ACSL4: variants seen among roughly 807,000 people sequenced by gnomAD.
ACSL4 encodes the protein long-chain-fatty-acid--CoA ligase 4.
ACSL4 carries 9 observed loss-of-function variants against 49.1 expected under a neutral mutation model. The ratio of observed to expected loss-of-function variants is 0.18; its 90% CI spans 0.11 to 0.32. The LOEUF is 0.32. Ranked by LOEUF, ACSL4 falls within the 10% of genes least tolerant of loss-of-function variation. ACSL4 has a pLI of 1.00. For missense variants in ACSL4, 333 were observed against 493.7 expected (o/e 0.67, Z 3.08); for synonymous variants, 191 against 170.3 (o/e 1.12, Z -0.95).
intron 15 of ACSL4, among the ~76,000 whole-genome samples, chrX:109,653,378 T>C (rs1192500438): frequency 8.9e-6 from 1 of 111,781 alleles, no homozygotes; most frequent in East Asian, 2.8e-4. Flanking sequence ...AGTTCAACCA[T>C]TGTGGAAGTC....
intron 15 of ACSL4, among the ~76,000 whole-genome samples, chrX:109,648,021 G>C (rs1386521083): frequency 2.7e-5 from 3 of 111,523 alleles, no homozygotes; most frequent in African/African-American, 9.8e-5. Flanking sequence ...CTGAAATTGA[G>C]GCAGTAATTA....
At chrX:109,655,947 C>T (rs1032635824) in intron 15 of ACSL4, among the ~76,000 whole-genome samples, 22 of 111,023 alleles carry the variant, frequency 2.0e-4, no homozygotes, top group East Asian at 1.1e-3. Flanking sequence ...TATTCAGACA[C>T]GCAAGCACAG....
intron 1 of ACSL4, among the ~76,000 whole-genome samples, chrX:109,711,816 T>C (rs1926767553): frequency 9.0e-6 from 1 of 111,460 alleles, no homozygotes; most frequent in Non-Finnish European, 1.9e-5. Context: ...AAGTTCCTGT[T>C]CCCCTGCTAG....
intron 1 of ACSL4, among the ~76,000 whole-genome samples, chrX:109,701,107 T>C (rs1477160268): frequency 1.8e-5 from 2 of 112,284 alleles, no homozygotes; most frequent in Non-Finnish European, 3.8e-5. Flanking sequence ...ACAAAATATA[T>C]TAAATGAAGT....
At chrX:109,654,974 A>G (rs1430804762) in intron 15 of ACSL4, among the ~76,000 whole-genome samples, 1 of 111,808 alleles carries the variant, frequency 8.9e-6, no homozygotes, top group Non-Finnish European at 1.9e-5. Context: ...ATCCCCCTCA[A>G]TAACTCCTTT....
chrX:109,643,680 T>G lies in ACSL4; in HGVS notation c.*349A>C, dbSNP rs1327939521. On this transcript the variant is annotated 3_prime_UTR_variant, in exon 16 of 16. Coordinates refer to ENST00000672401, the MANE Select transcript of ACSL4 (RefSeq NM_001318510.2). ...ACAAGAGGCATTGGAAGCTGCAAAT[T>G]TCCTCAAACTACATTCTACTCCAAC... The G allele has an allele frequency of 2.4e-5, 4 of 168,293 alleles. No individual in the cohort carries two copies. The highest frequency in any genetic ancestry group is 2.3e-5 in the Non-Finnish European group (2 of 87,714). 13.9% of individuals were successfully genotyped at this position (168,293 alleles called of 1,213,427 possible). A position where few individuals can be genotyped will look rare whatever the true frequency, so the allele number is the denominator to read the frequency against.
rs759919018 is a variant in ACSL4, at chrX:109,683,199, A to C, written c.165T>G (p.Leu55=). 8.3e-7 allele frequency: 1 copy of C among 1,211,980 alleles called. No individual in the cohort carries two copies. The highest frequency in any genetic ancestry group is 1.1e-6 in the Non-Finnish European group (1 of 895,476). ...CTTCACTTAGGATTTCCCTGGTCCC[A>C]AGGCTGTCCTTCTTCCCAAACTTGG... ...AVSKFGKKDS[L]GTREILSEEN... is the part of the protein sequence containing the mutation. Residue 55 remains leucine, a synonymous_variant, in exon 3 of 16, where the codon CTT becomes CTG. Coordinates refer to ENST00000672401, the MANE Select transcript of ACSL4 (RefSeq NM_001318510.2).
At chrX:109,707,256 A>C (rs1035594673) in intron 1 of ACSL4, among the ~76,000 whole-genome samples, 2 of 112,008 alleles carry the variant, frequency 1.8e-5, no homozygotes, top group Non-Finnish European at 3.8e-5. Context: ...TTTATTTACT[A>C]AAACAGATAG....
At chrX:109,653,209 A>G (rs1419308476) in intron 15 of ACSL4, among the ~76,000 whole-genome samples, 2 of 111,903 alleles carry the variant, frequency 1.8e-5, no homozygotes, top group East Asian at 5.6e-4. Flanking sequence ...AAAAATGCTC[A>G]TCATCACTGG....
intron 6 of ACSL4, among the ~76,000 whole-genome samples, chrX:109,679,026 A>G (rs1307218003): frequency 1.8e-5 from 2 of 111,944 alleles, no homozygotes; most frequent in Admixed American, 1.9e-4. Context: ...CATCTCTAAA[A>G]TAAGACAGCT....
chrX:109,643,964 A>C lies in ACSL4; in HGVS notation c.*65T>G. 1 of 1,137,595 alleles carries C rather than the reference A, an allele frequency of 8.8e-7. No homozygotes were observed. 93.8% of individuals were successfully genotyped at this position (1,137,595 alleles called of 1,213,427 possible). A position where few individuals can be genotyped will look rare whatever the true frequency, so the allele number is the denominator to read the frequency against. On this transcript the variant is annotated 3_prime_UTR_variant, in exon 16 of 16. Coordinates refer to ENST00000672401, the MANE Select transcript of ACSL4 (RefSeq NM_001318510.2). ...CATTCTAACAGTTCAACAAAGGCTT[A>C]AAATTCTAGAGGTTGAAAACCACCA...
At chrX:109,666,766 T>A (rs1267432487) in intron 11 of ACSL4, among the ~76,000 whole-genome samples, 1 of 111,413 alleles carries the variant, frequency 9.0e-6, no homozygotes, top group African/African-American at 3.3e-5. Context: ...AATACAAAAA[T>A]TAGTCAGGTG....
At position 109,643,180 on chromosome X, in the gene ACSL4, T is replaced by G. The variant is rs781692510; in HGVS notation, c.*849A>C. The G allele has an allele frequency of 1.8e-5, 2 of 112,285 alleles. No individual in the cohort carries two copies. The highest frequency in any genetic ancestry group is 6.5e-5 in the African/African-American group (2 of 30,917). 9.3% of individuals were successfully genotyped at this position (112,285 alleles called of 1,213,427 possible). A position where few individuals can be genotyped will look rare whatever the true frequency, so the allele number is the denominator to read the frequency against. On this transcript the variant is annotated 3_prime_UTR_variant, in exon 16 of 16. Coordinates refer to ENST00000672401, the MANE Select transcript of ACSL4 (RefSeq NM_001318510.2). ...AAATACTTATGATTTTATCACCTTTTCTAAGAGAAAATGTTTGCCTGTTAA... is the reference window on the plus strand; with the variant it reads ...AAATACTTATGATTTTATCACCTTTGCTAAGAGAAAATGTTTGCCTGTTAA...
rs372304436 is a variant in ACSL4, at chrX:109,659,373, A to G, written c.1836T>C (p.Ile612=). 8.3e-7 allele frequency: 1 copy of G among 1,208,175 alleles called. No individual in the cohort carries two copies. Among genetic ancestry groups the G allele is most frequent in the Non-Finnish European group, 1.1e-6 (1 of 894,019 alleles). ...PAMEAEILKE[I]REAANAMKLE... ...ACTTACTGGCATTTGCAGCTTCTCGAATTTCTTTCAGTATTTCAGCTTCCA... is the reference window on the plus strand; with the variant it reads ...ACTTACTGGCATTTGCAGCTTCTCGGATTTCTTTCAGTATTTCAGCTTCCA... Residue 612 remains isoleucine, a synonymous_variant, in exon 15 of 16, where the codon ATT becomes ATC. Transcript: ENST00000672401.
At chrX:109,691,655 CCAATA>C (rs771561241) in intron 2 of ACSL4, among the ~76,000 whole-genome samples, 1 of 111,696 alleles carries the variant, frequency 9.0e-6, no homozygotes, top group African/African-American at 3.2e-5. Flanking sequence ...TTAGAGAATG[CCAATA>C]CATTAAGAAA....
intron 14 of ACSL4, among the ~76,000 whole-genome samples, chrX:109,660,956 T>C (rs1412561662): frequency 3.6e-5 from 4 of 110,993 alleles, no homozygotes; most frequent in Non-Finnish European, 7.6e-5. Flanking sequence ...TGCTGTTTAA[T>C]GGGTATAGAG....
In ACSL4 at chrX:109,726,424, A is replaced by G. The variant is rs188156878; in HGVS notation, c.-66+6715T>C. On this transcript the variant is annotated intron_variant, in intron 1 of 15. Coordinates refer to ENST00000672401, the MANE Select transcript of ACSL4 (RefSeq NM_001318510.2). ...GGCAACAAGAGCAAAACTCCATCTC[A>G]AAAACAAACAAACCAACCAACAAAC... 8.8e-3 allele frequency among the ~76,000 whole-genome samples: 983 copies of G among 112,186 alleles called. 9 individuals carry two copies. The highest frequency in any genetic ancestry group is 0.03 in the African/African-American group (935 of 30,872).
intron 1 of ACSL4, among the ~76,000 whole-genome samples, chrX:109,701,355 T>C (rs1333564341): frequency 1.9e-5 from 2 of 106,813 alleles, no homozygotes; most frequent in African/African-American, 6.8e-5. Flanking sequence ...TAGCTGGGAC[T>C]ACAGGTGTGC....
intron 2 of ACSL4, among the ~76,000 whole-genome samples, chrX:109,686,874 A>G (rs1380471858): frequency 9.0e-6 from 1 of 111,096 alleles, no homozygotes; most frequent in Non-Finnish European, 1.9e-5. Flanking sequence ...AGAGGTTTTC[A>G]AATTCTTTCT....
Sources: allele counts gnomAD v4.1 joint callset (sites outside exome capture counted in the v4.1 genomes callset), GRCh38; gene constraint gnomAD v4.1.1; transcripts MANE v1.5; gene names NCBI Gene and HGNC (gene_info 2026-07-23, HGNC 2026-07-21).